The following C9orf153 variants were observed in gnomAD, a reference collection of about 807,000 sequenced individuals.
C9orf153 encodes the protein chromosome 9 open reading frame 153, also known as uncharacterized protein C9orf153.
C9orf153 carries 10 observed loss-of-function variants against 9.0 expected under a neutral mutation model. That is an observed-to-expected ratio of 1.11 (90% CI 0.69 to 1.89). The LOEUF (loss-of-function observed/expected upper bound fraction) is 1.89. C9orf153 is among the 40% of genes most tolerant of loss of function. The pLI, the probability that C9orf153 is intolerant of heterozygous loss-of-function variation, is 0.00. For missense variants in C9orf153, 108 were observed against 111.0 expected, an observed-to-expected ratio of 0.97 and a Z score of 0.12; for synonymous variants, 35 against 37.3, an observed-to-expected ratio of 0.94 and a Z score of 0.23.
intron 1 of C9orf153, among the ~76,000 whole-genome samples, chr9:86,244,965 C>A (rs113026999): frequency 0.065 from 9,875 of 152,198 alleles, 1,109 homozygotes; most frequent in African/African-American, 0.22. Flanking sequence ...TCACTCTTGT[C>A]GCCCAGGCTG....
intron 1 of C9orf153, among the ~76,000 whole-genome samples, chr9:86,239,119 G>C (rs1248380610): frequency 6.6e-6 from 1 of 152,048 alleles, no homozygotes; most frequent in Admixed American, 6.5e-5. Context: ...AAATTAGCCA[G>C]GCGTGGCGGC....
chr9:86,256,584 G>A (rs1825127097), intron 1 of C9orf153, among the ~76,000 whole-genome samples: 1 of 152,172 alleles, frequency 6.6e-6, no homozygotes, highest in South Asian at 2.1e-4. Flanking sequence ...AATTTATGAA[G>A]TGTGACTACA....
Position 86,257,607 on chromosome 9 carries a change from C to G in C9orf153, c.-27+1943G>C, listed in dbSNP as rs190023488. ...GAGTCTGGCTGTCTTCCCAGGGGAG[C>G]CGCTTGTCTGACATGGCAGCTGGCA... On this transcript the variant is annotated intron_variant, in intron 1 of 3. Coordinates refer to ENST00000339137, the MANE Select transcript of C9orf153 (RefSeq NM_001276366.4). Among the ~76,000 whole-genome samples the G allele has an allele frequency of 9.2e-5, 14 of 152,296 alleles. No homozygotes were observed. The East Asian group carries it at 2.5e-3, about 27-fold the overall frequency.
At chr9:86,246,848 T>A (rs1406352469) in intron 1 of C9orf153, among the ~76,000 whole-genome samples, 1 of 152,202 alleles carries the variant, frequency 6.6e-6, no homozygotes, top group Non-Finnish European at 1.5e-5. Flanking sequence ...CTCTATAGTT[T>A]TGCTATTGAT....
At chr9:86,227,477 G>A in intron 3 of C9orf153, 1 of 1,397,516 alleles carries the variant, frequency 7.2e-7, no homozygotes, top group African/African-American at 1.5e-5. Context: ...GACCATTTCT[G>A]CTCTAGTAAA....
intron 3 of C9orf153, among the ~76,000 whole-genome samples, chr9:86,223,982 T>G (rs1006463316): frequency 3.3e-5 from 5 of 152,140 alleles, no homozygotes; most frequent in African/African-American, 1.2e-4. Flanking sequence ...AAGCCCTGCA[T>G]AGTGGCATGC....
At chr9:86,231,479 C>G (rs1824467655) in intron 1 of C9orf153, among the ~76,000 whole-genome samples, 1 of 152,002 alleles carries the variant, frequency 6.6e-6, no homozygotes, top group African/African-American at 2.4e-5. Flanking sequence ...AAAACACTCA[C>G]TTGGTATTTG....
chr9:86,258,338 T>G (rs1483952568), intron 1 of C9orf153: 4 of 86,008 alleles, frequency 4.7e-5, no homozygotes, highest in Non-Finnish European at 8.1e-5. Flanking sequence ...TGAGACTTTG[T>G]CTCAAAAAAA....
At chr9:86,225,333 C>CCTTT (rs989846949) in intron 3 of C9orf153, among the ~76,000 whole-genome samples, 158 of 151,222 alleles carry the variant, frequency 1.0e-3, no homozygotes, top group African/African-American at 3.1e-3. Context: ...TTCTTTCTTT[C>CCTTT]CTTTCTTTCT....
intron 3 of C9orf153, among the ~76,000 whole-genome samples, chr9:86,224,954 A>T (rs1460813684): frequency 6.6e-6 from 1 of 151,456 alleles, no homozygotes; most frequent in African/African-American, 2.4e-5. Flanking sequence ...AAAAAAAAAA[A>T]AAAAAAGCAT....
chr9:86,232,615 C>G (rs373621106), intron 1 of C9orf153, among the ~76,000 whole-genome samples: 5 of 152,108 alleles, frequency 3.3e-5, no homozygotes, highest in African/African-American at 7.2e-5. Context: ...GCACTCACCC[C>G]CAACTTTTCA....
chr9:86,245,425 G>A (rs1206563029), intron 1 of C9orf153, among the ~76,000 whole-genome samples: 1 of 152,004 alleles, frequency 6.6e-6, no homozygotes, highest in Non-Finnish European at 1.5e-5. Context: ...CCCTTCTCCC[G>A]AACCCTGGCA....
chr9:86,253,315 C>T (rs1041990703), intron 1 of C9orf153, among the ~76,000 whole-genome samples: 1 of 152,178 alleles, frequency 6.6e-6, no homozygotes, highest in African/African-American at 2.4e-5. Context: ...ATCTTGTCTA[C>T]AGTTTCTTTA....
At position 86,228,327 on chromosome 9, in the gene C9orf153, C is replaced by A. The variant is rs145364754; in HGVS notation, c.67-297G>T. Among the ~76,000 whole-genome samples, 951 of 152,274 alleles carry A rather than the reference C, an allele frequency of 6.2e-3. 8 individuals carry two copies. The highest frequency in any genetic ancestry group is 0.021 in the African/African-American group (865 of 41,548). On this transcript the variant is annotated intron_variant, in intron 2 of 3. Transcript: ENST00000339137. ...AATTGAACTAAGAAGTCTTGAAGAT[C>A]TTTCCAACTCTGAAATTCTATGAGT...
intron 3 of C9orf153, among the ~76,000 whole-genome samples, chr9:86,224,356 C>G (rs1350378427): frequency 2.0e-5 from 3 of 151,156 alleles, no homozygotes; most frequent in East Asian, 3.9e-4. Flanking sequence ...CACTGCACTC[C>G]AACCTGGGTG....
chr9:86,223,636 C>T (rs1197868070), intron 3 of C9orf153, among the ~76,000 whole-genome samples: 2 of 152,094 alleles, frequency 1.3e-5, no homozygotes, highest in Admixed American at 6.6e-5. Flanking sequence ...TGATTGGACA[C>T]AATTCTGGCC....
At chr9:86,250,220 T>C (rs189176510) in intron 1 of C9orf153, among the ~76,000 whole-genome samples, 30 of 152,340 alleles carry the variant, frequency 2.0e-4, no homozygotes, top group Non-Finnish European at 3.5e-4. Context: ...TCTTTTGCTC[T>C]TGAGAGACAG....
chr9:86,231,404 T>C (rs1012705270), intron 1 of C9orf153, among the ~76,000 whole-genome samples: 3 of 152,140 alleles, frequency 2.0e-5, no homozygotes, highest in Non-Finnish European at 4.4e-5. Context: ...TATTTCTAGG[T>C]ACAGGGTACC....
intron 1 of C9orf153, among the ~76,000 whole-genome samples, chr9:86,245,540 A>G (rs1313221979): frequency 6.6e-6 from 1 of 152,152 alleles, no homozygotes; most frequent in Admixed American, 6.5e-5. Context: ...TTCACTTAGC[A>G]TGATGTCCTC....
Sources: gnomAD v4.1 joint callset for allele counts (sites outside exome capture counted in the v4.1 genomes callset) on GRCh38, gnomAD v4.1.1 for gene constraint, MANE v1.5 for transcripts, NCBI Gene and HGNC (gene_info 2026-07-23, HGNC 2026-07-21) for gene names.